The following R3HDM2 variants were observed in gnomAD, a reference collection of about 807,000 sequenced individuals.
R3HDM2 encodes the protein R3H domain-containing protein 2.
R3HDM2 carries 38 observed loss-of-function variants against 124.5 expected under a neutral mutation model. That is an observed-to-expected ratio of 0.31 (90% confidence interval 0.24 to 0.40). R3HDM2 has a LOEUF of 0.40. Ranked by LOEUF, R3HDM2 falls within the 10% of genes least tolerant of loss-of-function variation. The pLI is 1.00. For missense variants in R3HDM2, 869 were observed against 1,236.9 expected, an observed-to-expected ratio of 0.70 and a Z score of 4.46; for synonymous variants, 391 against 448.0, an observed-to-expected ratio of 0.87 and a Z score of 1.61.
Position 57,254,590 on chromosome 12 carries a change from G to T in R3HDM2, c.*183C>A. The T allele has an allele frequency of 1.8e-6, 1 of 568,664 alleles. No homozygotes were observed. Among genetic ancestry groups the T allele is most frequent in the Non-Finnish European group, 3.0e-6 (1 of 333,588 alleles). 35.2% of individuals were successfully genotyped at this position (568,664 alleles called of 1,614,324 possible). ...AGGGAAAAAGAGAGGACCCATGGCA[G>T]GGGAGCAAGAAGGAGTCCAATGCCA... On this transcript the variant is annotated 3_prime_UTR_variant, in exon 24 of 24. Transcript: ENST00000402412.
chr12:57,326,977 A>G (rs2057386597), intron 2 of R3HDM2, among the ~76,000 whole-genome samples: 1 of 112,580 alleles, frequency 8.9e-6, no homozygotes, highest in East Asian at 2.6e-4. Flanking sequence ...CACTGTTGAG[A>G]TATGTTGCTC....
chr12:57,335,100 C>T (rs2058682923), intron 2 of R3HDM2, among the ~76,000 whole-genome samples: 2 of 151,640 alleles, frequency 1.3e-5, no homozygotes, highest in African/African-American at 4.8e-5. Flanking sequence ...TATGATTGGG[C>T]CATTGCACTC....
chr12:57,380,281 T>C (rs1241047391), intron 2 of R3HDM2, among the ~76,000 whole-genome samples: 1 of 152,232 alleles, frequency 6.6e-6, no homozygotes, highest in African/African-American at 2.4e-5. Context: ...AATCCATTTT[T>C]ATCTTTCTGA....
chr12:57,259,986 G>A (rs769408264), intron 19 of R3HDM2, among the ~76,000 whole-genome samples: 4 of 152,004 alleles, frequency 2.6e-5, no homozygotes, highest in Non-Finnish European at 5.9e-5. Context: ...ACTGAAGGTC[G>A]GGCACAGTGG....
At chr12:57,418,564 C>CTT (rs777162116) in intron 1 of R3HDM2, among the ~76,000 whole-genome samples, 8 of 142,540 alleles carry the variant, frequency 5.6e-5, no homozygotes, top group Admixed American at 7.1e-5. Flanking sequence ...TTGATATCTT[C>CTT]TTTTTTTTTT....
rs2042536074 is a variant in R3HDM2 at position 57,266,815 on chromosome 12, G to C, written c.2047C>G (p.Leu683Val). 2 of 1,605,820 alleles carry C rather than the reference G, an allele frequency of 1.2e-6. No homozygotes were observed. Among genetic ancestry groups the C allele is most frequent in the Non-Finnish European group, 1.7e-6 (2 of 1,173,096 alleles). Reference sequence around the variant, plus strand: ...TACTGCTCAGAGCCAGGGGGTTGCAGAAACCCTACAGAAGGGCTGGGAAGA... The same window carrying C: ...TACTGCTCAGAGCCAGGGGGTTGCACAAACCCTACAGAAGGGCTGGGAAGA... ...QNGTSPSVGFLQPPGSEQYQM... is the reference protein window; with the variant it reads ...QNGTSPSVGFVQPPGSEQYQM... Residue 683 changes from leucine to valine, a missense_variant, in exon 19 of 24, where the codon CTG (leucine) becomes GTG (valine). Transcript: ENST00000402412.
At chr12:57,286,913 G>A (rs2047477642) in intron 12 of R3HDM2, among the ~76,000 whole-genome samples, 1 of 152,042 alleles carries the variant, frequency 6.6e-6, no homozygotes, top group South Asian at 2.1e-4. Context: ...GAGAGGAAAG[G>A]GCTGCACCTA....
chr12:57,287,541 A>G (rs964207397), intron 12 of R3HDM2, among the ~76,000 whole-genome samples: 29 of 152,144 alleles, frequency 1.9e-4, no homozygotes, highest in Non-Finnish European at 5.9e-5. Context: ...AAATCTCACT[A>G]CCCCAATTTC....
chr12:57,287,058 T>G (rs972631917), intron 12 of R3HDM2, among the ~76,000 whole-genome samples: 1 of 152,042 alleles, frequency 6.6e-6, no homozygotes, highest in African/African-American at 2.4e-5. Context: ...GAGGAAGGGG[T>G]GACATCTGTA....
rs1252586937 is a variant in R3HDM2, at chr12:57,424,071, G to A, written c.-106+6649C>T. ...GGAGGTTGCGGTGAGCCAAGATCGC[G>A]CCATTGCACTCCAGCCTGGGCAACA... On this transcript the variant is annotated intron_variant, in intron 1 of 23. Coordinates refer to ENST00000402412, the MANE Select transcript of R3HDM2 (RefSeq NM_001394031.1). 8.7e-5 allele frequency among the ~76,000 whole-genome samples: 10 copies of A among 115,538 alleles called. No homozygotes were observed. In the South Asian group the frequency reaches 8.9e-4, roughly 10 times the overall value. The allele number at this position is 115,538 out of a possible 152,430, so 75.8% of individuals were successfully genotyped here. A position where few individuals can be genotyped will look rare whatever the true frequency, so the allele number is the denominator to read the frequency against.
intron 1 of R3HDM2, among the ~76,000 whole-genome samples, chr12:57,422,042 G>A (rs1247783095): frequency 2.2e-5 from 3 of 138,048 alleles, no homozygotes; most frequent in Non-Finnish European, 3.0e-5. Flanking sequence ...GCAGTGAGCC[G>A]AAATGTGCCA....
chr12:57,369,491 G>A (rs757063574), intron 2 of R3HDM2, among the ~76,000 whole-genome samples: 46 of 152,140 alleles, frequency 3.0e-4, no homozygotes, highest in Admixed American at 5.9e-4. Context: ...GTTATGCAGC[G>A]AAAACTTGGA....
At chr12:57,299,984 A>G (rs2138680163) in intron 5 of R3HDM2, 111 bp downstream of exon 5, 2 of 838,298 alleles carry the variant, frequency 2.4e-6, no homozygotes, top group Non-Finnish European at 3.9e-6. Flanking sequence ...TTTTGTTCTG[A>G]AGTACCTTCT....
intron 2 of R3HDM2, among the ~76,000 whole-genome samples, chr12:57,334,885 C>A (rs2058660298): frequency 6.6e-6 from 1 of 151,794 alleles, no homozygotes. Flanking sequence ...TGTCTGTAAT[C>A]CCAGCACTTT....
intron 2 of R3HDM2, among the ~76,000 whole-genome samples, chr12:57,354,232 A>G (rs910494233): frequency 3.3e-5 from 5 of 151,878 alleles, no homozygotes; most frequent in African/African-American, 1.2e-4. Flanking sequence ...TAACATGAGA[A>G]TTCTAACTGC....
chr12:57,317,718 C>G (rs1024414680), intron 2 of R3HDM2, among the ~76,000 whole-genome samples: 5 of 149,176 alleles, frequency 3.4e-5, no homozygotes, highest in Admixed American at 1.3e-4. Flanking sequence ...CGGGCCAGGC[C>G]GGGTGGCTCG....
At position 57,254,808 on chromosome 12, in the gene R3HDM2, C is replaced by A. The variant is rs1210399637; in HGVS notation, c.2938G>T (p.Asp980Tyr). Residue 980 changes from aspartate (D) to tyrosine (Y), a missense_variant, in exon 24 of 24, where the codon GAC becomes TAC. Around this residue, in one of 2 missense-constraint regions of R3HDM2, gnomAD observed 602 missense variants for 789.2 expected, o/e 0.76. Transcript: ENST00000402412. The part of the protein sequence containing the change: ...FKLRMAKKNY[D>Y]LRILERASSQ The stretch of plus-strand genomic sequence containing the variant: ...CTGGCTCGCTCCAGGATCCTCAGGT[C>A]ATAGTTCTTTTTGGCCATTCGAAGT... The A allele has an allele frequency of 6.2e-7, 1 of 1,601,216 alleles. No homozygotes were observed. Among genetic ancestry groups the A allele is most frequent in the Admixed American group, 1.7e-5 (1 of 59,460 alleles).
At chr12:57,269,661 C>T in intron 15 of R3HDM2, 91 bp downstream of exon 15, 2 of 1,557,172 alleles carry the variant, frequency 1.3e-6, no homozygotes, top group Non-Finnish European at 8.8e-7. Flanking sequence ...AGAGGTATTC[C>T]CTCTGGTCTG....
chr12:57,425,609 G>A (rs1289172142), intron 1 of R3HDM2, among the ~76,000 whole-genome samples: 2 of 152,016 alleles, frequency 1.3e-5, no homozygotes, highest in Non-Finnish European at 2.9e-5. Flanking sequence ...AGACCAGCCT[G>A]GCCAACATGG....
Sources: gnomAD v4.1 joint callset for allele counts (sites outside exome capture counted in the v4.1 genomes callset) on GRCh38, gnomAD v4.1.1 for gene constraint, gnomAD v4.1.1 regional missense constraint, MANE v1.5 for transcripts, NCBI Gene and HGNC (gene_info 2026-07-23, HGNC 2026-07-21) for gene names.